ROPN1: variants seen among roughly 807,000 people sequenced by gnomAD.
ROPN1 encodes the protein rhophilin associated tail protein 1.
In ROPN1, 14 loss-of-function variants were observed where a neutral mutation model predicts 20.5. That is an observed-to-expected ratio of 0.68 (90% CI 0.45 to 1.07). The LOEUF (loss-of-function observed/expected upper bound fraction) is 1.07. Among genes scored for constraint, ROPN1 ranks in the 50% least tolerant of loss-of-function variants. ROPN1 has a pLI of 0.00. For missense variants in ROPN1, 169 were observed against 242.8 expected, an observed-to-expected ratio of 0.70 and a Z score of 2.02; for synonymous variants, 76 against 95.7, an observed-to-expected ratio of 0.79 and a Z score of 1.20.
At chr3:123,980,189 C>G in intron 2 of ROPN1, 177 bp downstream of exon 2, 1 of 648,314 alleles carries the variant, frequency 1.5e-6, no homozygotes. Context: ...CCTTGCCCAG[C>G]TAGATGTAGC....
chr3:123,970,369 C>T, intron 4 of ROPN1, 152 bp from the exon 5 acceptor site: 1 of 659,488 alleles, frequency 1.5e-6, no homozygotes, highest in Non-Finnish European at 2.6e-6. Flanking sequence ...TTTTTACATT[C>T]AAATGTCACT....
intron 4 of ROPN1, among the ~76,000 whole-genome samples, chr3:123,973,484 T>C (rs887493808): frequency 1.3e-5 from 2 of 152,136 alleles, no homozygotes; most frequent in African/African-American, 4.8e-5. Context: ...TCATGGAATA[T>C]TGAATCCCAC....
rs189957319 is a variant in ROPN1 at position 123,987,590 on chromosome 3, G to A, written c.-13+4332C>T. 1.1e-3 allele frequency among the ~76,000 whole-genome samples: 167 copies of A among 152,276 alleles called. 1 individual carries two copies. Among genetic ancestry groups the A allele is most frequent in the Non-Finnish European group, 2.2e-3 (153 of 68,018 alleles). ...AAATTATGCCCTGTCTGACTTTCAA[G>A]ATCTCCCCAATTTGCCTTATTCGTA... On this transcript the variant is annotated intron_variant, in intron 1 of 5. Transcript: ENST00000405845.
Position 123,970,097 on chromosome 3 carries a change from C to T in ROPN1, c.517G>A (p.Gly173Arg), listed in dbSNP as rs1366552600. ...CTGACATGTGATGCAGAGATCTCCC[C>T]ATCCACTTTGGCAATATACGTGTAG... ...FLYTYIAKVD[G>R]EISASHVSRM... is the part of the protein sequence containing the mutation. Residue 173 changes from glycine to arginine, a missense_variant, in exon 5 of 6, where the codon GGG becomes AGG. Gly to Arg is a moderately radical substitution (Grantham distance 125). Around this residue, in one of 3 missense-constraint regions of ROPN1, gnomAD observed 82 missense variants for 100.1 expected, o/e 0.82. Coordinates refer to ENST00000405845, the MANE Select transcript of ROPN1 (RefSeq NM_001317774.2). 6.2e-7 allele frequency: 1 copy of T among 1,614,200 alleles called. No homozygotes were observed. Among genetic ancestry groups the T allele is most frequent in the South Asian group, 1.1e-5 (1 of 91,074 alleles).
At chr3:123,991,763 T>C (rs1282199415) in intron 1 of ROPN1, among the ~76,000 whole-genome samples, 159 bp downstream of exon 1, 2 of 152,086 alleles carry the variant, frequency 1.3e-5, no homozygotes, top group African/African-American at 4.8e-5. Context: ...TCCCCCACAG[T>C]CACATTCTCT....
intron 1 of ROPN1, among the ~76,000 whole-genome samples, chr3:123,983,649 C>G (rs1456123778): frequency 6.6e-6 from 1 of 152,162 alleles, no homozygotes; most frequent in Non-Finnish European, 1.5e-5. Flanking sequence ...TTGTCTTTCT[C>G]AGGGGTTGGT....
At chr3:123,969,998 T>C in intron 5 of ROPN1, 44 bp downstream of exon 5, 1 of 1,595,428 alleles carries the variant, frequency 6.3e-7, no homozygotes, top group Non-Finnish European at 8.6e-7. Flanking sequence ...CTAGATTTCT[T>C]TTCCTGGTAT....
intron 4 of ROPN1, among the ~76,000 whole-genome samples, chr3:123,971,953 A>G (rs913049276): frequency 6.6e-6 from 1 of 152,218 alleles, no homozygotes; most frequent in Non-Finnish European, 1.5e-5. Flanking sequence ...CTTTATAAGA[A>G]GAGGAGTTAG....
intron 1 of ROPN1, among the ~76,000 whole-genome samples, chr3:123,990,982 C>A (rs904535743): frequency 3.3e-5 from 5 of 152,170 alleles, no homozygotes; most frequent in African/African-American, 2.4e-5. Flanking sequence ...CTATGAGTAT[C>A]ACTTGGAACC....
chr3:123,988,250 A>G (rs2038313347), intron 1 of ROPN1, among the ~76,000 whole-genome samples: 1 of 151,984 alleles, frequency 6.6e-6, no homozygotes, highest in African/African-American at 2.4e-5. Flanking sequence ...GGTTCAAGCA[A>G]TTCTCCTGCC....
chr3:123,978,356 C>T (rs1233542797), intron 2 of ROPN1, among the ~76,000 whole-genome samples: 7 of 152,124 alleles, frequency 4.6e-5, no homozygotes, highest in Admixed American at 6.5e-5. Context: ...ATGGGAGGGA[C>T]AGAGACACAC....
chr3:123,973,874 C>T (rs559369173), intron 4 of ROPN1, among the ~76,000 whole-genome samples: 36 of 152,252 alleles, frequency 2.4e-4, no homozygotes, highest in Non-Finnish European at 1.2e-4. Context: ...AAGCAGCTAG[C>T]GACCAGACAG....
In ROPN1 at chr3:123,976,935, G is replaced by C. The variant is rs765326815; in HGVS notation, c.163C>G (p.Arg55Gly). The part of the protein sequence containing the change: ...SRGETPPVRE[R>G]SERVALCNRA... ...TTACACAAAGCGACTCGCTCAGACC[G>C]CTCTCTCACCGGAGGCGTCTCTCCA... is the stretch of plus-strand genomic sequence containing the variant. The change falls in exon 3 of 6, where the codon CGG becomes GGG. Residue 55 changes from arginine (R) to glycine (G), a missense_variant. By Grantham distance (125) the Arg-to-Gly change is moderately radical (BLOSUM62 -2). Transcript: ENST00000405845. 52 of 1,613,904 alleles carry C rather than the reference G, an allele frequency of 3.2e-5. 1 individual carries two copies. In the Admixed American group the frequency reaches 8.7e-4, roughly 27 times the overall value.
chr3:123,984,182 C>T (rs1172587216), intron 1 of ROPN1, among the ~76,000 whole-genome samples: 5 of 152,162 alleles, frequency 3.3e-5, no homozygotes, highest in South Asian at 2.1e-4. Context: ...AGCCTCTTCA[C>T]GGCTTTATCT....
chr3:123,971,860 C>T (rs2037925619), intron 4 of ROPN1, among the ~76,000 whole-genome samples: 4 of 152,144 alleles, frequency 2.6e-5, no homozygotes. Flanking sequence ...ATGCCAAAGC[C>T]TTAACCCCAG....
chr3:123,986,031 A>T (rs1440625418), intron 1 of ROPN1, among the ~76,000 whole-genome samples: 1 of 146,144 alleles, frequency 6.8e-6, no homozygotes, highest in African/African-American at 2.5e-5. Context: ...AAAATATTTA[A>T]ATTATACTTG....
At chr3:123,984,870 CCTT>C (rs1377154809) in intron 1 of ROPN1, among the ~76,000 whole-genome samples, 1 of 152,130 alleles carries the variant, frequency 6.6e-6, no homozygotes. Context: ...CTTGAAGTGC[CCTT>C]CTTCTTTCAT....
chr3:123,989,139 A>G (rs1029476509), intron 1 of ROPN1, among the ~76,000 whole-genome samples: 1 of 152,188 alleles, frequency 6.6e-6, no homozygotes, highest in African/African-American at 2.4e-5. Context: ...AGAGAATTTC[A>G]TGTAGGTAGA....
At chr3:123,986,616 ACCCT>A (rs1262433919) in intron 1 of ROPN1, among the ~76,000 whole-genome samples, 1 of 151,960 alleles carries the variant, frequency 6.6e-6, no homozygotes, top group Non-Finnish European at 1.5e-5. Flanking sequence ...CTGGTTCTGT[ACCCT>A]CCAAGGCTCT....
Sources: gnomAD v4.1 joint callset for allele counts (sites outside exome capture counted in the v4.1 genomes callset) on GRCh38, gnomAD v4.1.1 for gene constraint, gnomAD v4.1.1 regional missense constraint, MANE v1.5 for transcripts, NCBI Gene and HGNC (gene_info 2026-07-23, HGNC 2026-07-21) for gene names.